PDXDC1: variants seen among roughly 807,000 people sequenced by gnomAD.
PDXDC1 encodes the protein pyridoxal-dependent decarboxylase domain-containing protein 1.
PDXDC1 carries 42 observed loss-of-function variants against 100.1 expected under a neutral mutation model. The ratio of observed to expected loss-of-function variants is 0.42; its 90% CI spans 0.33 to 0.54. The LOEUF is 0.54. Among genes scored for constraint, PDXDC1 ranks in the 20% least tolerant of loss-of-function variants. PDXDC1 has a pLI of 0.10. For missense variants in PDXDC1, 636 were observed against 979.2 expected (o/e 0.65, Z 4.68); for synonymous variants, 260 against 371.7 (o/e 0.70, Z 3.46).
At position 15,128,158 on chromosome 16, in the gene PDXDC1, TC is replaced by T. The variant is rs953786962; in HGVS notation, c.1400-10720del. ...GCCCTGCAGAGGCGCGGGAGGGAGG[TC>T]AGGCTCGCAGGGCGCCCCAACGCGG... On this transcript the variant is annotated intron_variant, in intron 16 of 16. Transcript: ENST00000535621. 7.5e-6 allele frequency: 12 copies of T among 1,609,452 alleles called. No individual in the cohort carries two copies. The African/African-American group carries it at 9.4e-5, about 13-fold the overall frequency.
At chr16:15,041,027 G>C (rs1171566258), downstream of PDXDC1, 2 of 1,384,676 alleles carry the variant, frequency 1.4e-6, no homozygotes, top group South Asian at 2.3e-5. Flanking sequence ...AACTGCACAT[G>C]TGACCAAGAC....
In PDXDC1 at chr16:15,089,319, A is replaced by C. The variant is rs367947812; in HGVS notation, c.1400-49560A>C. Among the ~76,000 whole-genome samples, 3 of 152,084 alleles carry C rather than the reference A, an allele frequency of 2.0e-5. No individual in the cohort carries two copies. In the East Asian group the frequency reaches 5.8e-4, roughly 29 times the overall value. ...CGTCCCCAAAAACGAAAATGAAATA[A>C]GTCTGGAGCCCACAAGAGCAATCTT... On this transcript the variant is annotated intron_variant, in intron 16 of 16. Coordinates refer to the PDXDC1 transcript ENST00000535621.
At chr16:14,989,344 G>A (rs1970155004) in intron 1 of PDXDC1, 3 of 1,612,610 alleles carry the variant, frequency 1.9e-6, no homozygotes, top group Admixed American at 1.7e-5. Flanking sequence ...GCCACTTGGA[G>A]GCGGTTCACC....
At chr16:15,020,993 C>A (rs1247982360) in intron 12 of PDXDC1, among the ~76,000 whole-genome samples, 1 of 152,166 alleles carries the variant, frequency 6.6e-6, no homozygotes, top group Non-Finnish European at 1.5e-5. Context: ...CACACACACA[C>A]ACACACACAC....
Position 15,037,866 on chromosome 16 carries a change from A to G in PDXDC1, c.*1591A>G. 1.9e-6 allele frequency: 1 copy of G among 536,940 alleles called. No homozygotes were observed. The highest frequency in any genetic ancestry group is 3.3e-5 in the South Asian group (1 of 30,256). 33.3% of individuals were successfully genotyped at this position (536,940 alleles called of 1,614,324 possible). On this transcript the variant is annotated 3_prime_UTR_variant, in exon 23 of 23. Coordinates refer to ENST00000396410, the MANE Select transcript of PDXDC1 (RefSeq NM_015027.4). Reference sequence around the variant, plus strand: ...AGTCTCAACAAATGCCTTTGCCAAAATAAGGTTTTATTTTGAAAGTCATTT... The same window carrying G: ...AGTCTCAACAAATGCCTTTGCCAAAGTAAGGTTTTATTTTGAAAGTCATTT...
intron 16 of PDXDC1, among the ~76,000 whole-genome samples, chr16:15,059,013 A>G (rs1242676600): frequency 6.6e-6 from 1 of 152,180 alleles, no homozygotes; most frequent in Non-Finnish European, 1.5e-5. Context: ...GATGGAAGAA[A>G]ACATGGTGGA....
chr16:15,147,734 G>A, the PDXDC1 span, among the ~76,000 whole-genome samples: 2 of 152,092 alleles, frequency 1.3e-5, no homozygotes, highest in African/African-American at 4.8e-5. Context: ...TGTTGACCAG[G>A]CTAGAGTGCA....
chr16:15,074,115 T>G (rs983785774), intron 16 of PDXDC1, among the ~76,000 whole-genome samples: 16 of 152,212 alleles, frequency 1.1e-4, no homozygotes, highest in African/African-American at 3.9e-4. Context: ...TTAAATTGTT[T>G]TTATCCTTTC....
chr16:14,977,787 A>T (rs1371284716), intron 1 of PDXDC1, among the ~76,000 whole-genome samples: 2 of 152,270 alleles, frequency 1.3e-5, no homozygotes, highest in African/African-American at 4.8e-5. Flanking sequence ...CCTGCGTTAA[A>T]TTCTACATTG....
At chr16:14,997,728 C>CT (rs1431901740) in intron 1 of PDXDC1, 25 bp from the exon 2 acceptor site, 1 of 1,563,110 alleles carries the variant, frequency 6.4e-7, no homozygotes, top group Non-Finnish European at 8.7e-7. Flanking sequence ...ATTAAAATTT[C>CT]TTTCTTTTTT....
intron 16 of PDXDC1, chr16:15,061,543 T>G (rs562398575): frequency 6.6e-6 from 3 of 457,220 alleles, no homozygotes; most frequent in South Asian, 1.1e-4. Context: ...TAGTCTTCAT[T>G]TTGTCTGTAA....
chr16:15,034,677 G>A (rs1212787917), intron 21 of PDXDC1, 124 bp downstream of exon 21: 6 of 749,972 alleles, frequency 8.0e-6, no homozygotes, highest in South Asian at 1.6e-5. Context: ...ACTGGGTGTG[G>A]GCCGGACATC....
At chr16:15,124,780 C>G (rs2151899648) in intron 16 of PDXDC1, among the ~76,000 whole-genome samples, 1 of 151,314 alleles carries the variant, frequency 6.6e-6, no homozygotes, top group African/African-American at 2.4e-5. Context: ...TCAAAAACAG[C>G]AACAACTACA....
At chr16:15,083,171 C>T (rs1312941825) in intron 16 of PDXDC1, among the ~76,000 whole-genome samples, 1 of 152,186 alleles carries the variant, frequency 6.6e-6, no homozygotes, top group Non-Finnish European at 1.5e-5. Context: ...GAGGCCGAGG[C>T]AGGCAGATCA....
chr16:14,983,026 T>C (rs1968353922), intron 1 of PDXDC1, among the ~76,000 whole-genome samples: 2 of 152,286 alleles, frequency 1.3e-5, no homozygotes, highest in African/African-American at 2.4e-5. Flanking sequence ...TTATGTCTAA[T>C]GCATATGGTA....
chr16:15,065,165 C>G lies in PDXDC1; in HGVS notation c.1399+35109C>G, dbSNP rs1274337441. ...TGGGCGACAGAGTGAGACTCCGTCTCAAAAAAAAAAAAAAAATCCACCTCC... is the reference window on the plus strand; with the variant it reads ...TGGGCGACAGAGTGAGACTCCGTCTGAAAAAAAAAAAAAAAATCCACCTCC... On this transcript the variant is annotated intron_variant, in intron 16 of 16. Coordinates refer to the PDXDC1 transcript ENST00000535621. The G allele has an allele frequency of 4.7e-6, 6 of 1,282,362 alleles. No individual in the cohort carries two copies. In the South Asian group the frequency reaches 5.7e-5, roughly 12 times the overall value. 79.4% of individuals were successfully genotyped at this position (1,282,362 alleles called of 1,614,324 possible). A position where few individuals can be genotyped will look rare whatever the true frequency, so the allele number is the denominator to read the frequency against.
chr16:15,095,933 G>C (rs925537622), intron 16 of PDXDC1, among the ~76,000 whole-genome samples: 13 of 151,070 alleles, frequency 8.6e-5, no homozygotes, highest in African/African-American at 2.9e-4. Context: ...ACCAGCCTGG[G>C]CAACATATGG....
At chr16:15,137,307 G>A in intron 16 of PDXDC1, 2 of 1,136,356 alleles carry the variant, frequency 1.8e-6, no homozygotes, top group East Asian at 2.6e-5. Flanking sequence ...GTGGGGGCAG[G>A]AGGCGGCGGG....
intron 16 of PDXDC1, among the ~76,000 whole-genome samples, chr16:15,097,468 CAAA>C (rs71152407): frequency 1.5e-5 from 1 of 65,854 alleles, no homozygotes; most frequent in Non-Finnish European, 2.6e-5. Flanking sequence ...ACTAAAAATA[CAAA>C]AAAAAAAAAA....
Sources: allele counts gnomAD v4.1 joint callset (sites outside exome capture counted in the v4.1 genomes callset), GRCh38; gene constraint gnomAD v4.1.1; transcripts MANE v1.5; gene names NCBI Gene and HGNC (gene_info 2026-07-23, HGNC 2026-07-21).